CPQ: variants seen among roughly 807,000 people sequenced by gnomAD.
CPQ encodes carboxypeptidase Q.
In CPQ, 37 loss-of-function variants were observed where a neutral mutation model predicts 45.7. The observed-to-expected ratio is 0.81, with a 90% confidence interval of 0.62 to 1.07. The LOEUF (loss-of-function observed/expected upper bound fraction) is 1.07. CPQ is among the 50% of genes least tolerant of loss of function. The pLI is 0.00. For missense variants in CPQ, 537 were observed against 572.9 expected, an observed-to-expected ratio of 0.94 and a Z score of 0.64; for synonymous variants, 186 against 205.8, an observed-to-expected ratio of 0.90 and a Z score of 0.82.
chr8:96,893,333 C>T (rs1409408700), intron 4 of CPQ, among the ~76,000 whole-genome samples: 2 of 152,156 alleles, frequency 1.3e-5, no homozygotes, highest in African/African-American at 2.4e-5. Context: ...ATGTGCAGGA[C>T]GCTATGTTAT....
At chr8:96,976,575 C>T (rs117382023) in intron 5 of CPQ, among the ~76,000 whole-genome samples, 1 of 152,048 alleles carries the variant, frequency 6.6e-6, no homozygotes, top group Non-Finnish European at 1.5e-5. Context: ...AATCTGGAAG[C>T]ATCACATTAC....
intron 7 of CPQ, among the ~76,000 whole-genome samples, chr8:97,123,158 A>AAAATAAAATAAAATAAAAT (rs1811776042): frequency 8.3e-6 from 1 of 120,574 alleles, no homozygotes; most frequent in African/African-American, 3.5e-5. Context: ...TAAATAAAAT[A>AAAATAAAATAAAATAAAAT]AAATAAAATA....
rs1809078360 is a variant in CPQ at position 96,676,486 on chromosome 8, C to G, written c.-35+31084C>G. Among the ~76,000 whole-genome samples, 9 of 152,076 alleles carry G rather than the reference C, an allele frequency of 5.9e-5. No individual in the cohort carries two copies. In the South Asian group the frequency reaches 1.9e-3, roughly 32 times the overall value. ...CATGTTGCTGCAAATGACAGTATATCATTCTTTTTTATGGCTGAGTAGTAT... is the reference window on the plus strand; with the variant it reads ...CATGTTGCTGCAAATGACAGTATATGATTCTTTTTTATGGCTGAGTAGTAT... On this transcript the variant is annotated intron_variant, in intron 1 of 7. Transcript: ENST00000220763.
At chr8:96,655,881 A>T (rs1040535271) in intron 1 of CPQ, among the ~76,000 whole-genome samples, 1 of 152,166 alleles carries the variant, frequency 6.6e-6, no homozygotes, top group Admixed American at 6.5e-5. Context: ...GTGTCTGCAC[A>T]TTTGAAGAGA....
At chr8:96,896,675 C>T (rs867970438) in intron 4 of CPQ, among the ~76,000 whole-genome samples, 1 of 152,170 alleles carries the variant, frequency 6.6e-6, no homozygotes, top group South Asian at 2.1e-4. Flanking sequence ...TACAATGTTT[C>T]TCTCTTCAGA....
At chr8:96,775,658 G>A (rs911046908) in intron 1 of CPQ, among the ~76,000 whole-genome samples, 14 of 152,248 alleles carry the variant, frequency 9.2e-5, no homozygotes, top group Admixed American at 5.2e-4. Context: ...TTTTGTATTC[G>A]TATACACAAT....
intron 6 of CPQ, among the ~76,000 whole-genome samples, chr8:97,047,564 C>A (rs1157468353): frequency 1.3e-5 from 2 of 152,156 alleles, no homozygotes; most frequent in Non-Finnish European, 2.9e-5. Context: ...GTTTTATATT[C>A]ACACTTTCTT....
At chr8:97,125,373 C>A (rs998873219) in intron 7 of CPQ, among the ~76,000 whole-genome samples, 2 of 152,084 alleles carry the variant, frequency 1.3e-5, no homozygotes, top group Non-Finnish European at 2.9e-5. Flanking sequence ...GAGGTAAATA[C>A]TTCCCAACTC....
At chr8:96,989,426 C>G (rs552504252) in intron 5 of CPQ, among the ~76,000 whole-genome samples, 1 of 75,234 alleles carries the variant, frequency 1.3e-5, no homozygotes, top group Admixed American at 1.9e-4. Context: ...GGGACAGGAG[C>G]GGAGGGAAGG....
intron 2 of CPQ, among the ~76,000 whole-genome samples, chr8:96,791,762 CCTCT>C (rs1041800636): frequency 2.0e-5 from 3 of 152,136 alleles, no homozygotes; most frequent in East Asian, 1.9e-4. Context: ...TATCTTCTAG[CCTCT>C]CTCTCAGGAA....
At chr8:97,075,068 G>A (rs1035762738) in intron 7 of CPQ, among the ~76,000 whole-genome samples, 1 of 152,054 alleles carries the variant, frequency 6.6e-6, no homozygotes, top group African/African-American at 2.4e-5. Flanking sequence ...TGCATGCCTA[G>A]AGCATCCAGG....
intron 1 of CPQ, among the ~76,000 whole-genome samples, chr8:96,677,028 T>G (rs1440559166): frequency 6.6e-6 from 1 of 152,142 alleles, no homozygotes; most frequent in East Asian, 1.9e-4. Flanking sequence ...GGCTGAGTAG[T>G]ATTCCATGGT....
chr8:96,646,547 G>A (rs755630777), intron 1 of CPQ, among the ~76,000 whole-genome samples: 4 of 152,172 alleles, frequency 2.6e-5, no homozygotes, highest in African/African-American at 4.8e-5. Context: ...CCAGAAAGAC[G>A]CTTATCTGTT....
intron 5 of CPQ, among the ~76,000 whole-genome samples, chr8:96,969,927 G>A (rs964925068): frequency 2.0e-5 from 3 of 152,174 alleles, no homozygotes; most frequent in African/African-American, 7.2e-5. Flanking sequence ...GTAAGGAGTT[G>A]GAAGAGTTGT....
At chr8:96,894,796 C>G (rs1812422200) in intron 4 of CPQ, among the ~76,000 whole-genome samples, 1 of 152,176 alleles carries the variant, frequency 6.6e-6, no homozygotes, top group South Asian at 2.1e-4. Context: ...CTGTCTGGTT[C>G]CATGTTTTGA....
intron 7 of CPQ, among the ~76,000 whole-genome samples, chr8:97,096,938 T>C (rs1255331790): frequency 1.3e-5 from 2 of 152,234 alleles, no homozygotes; most frequent in African/African-American, 2.4e-5. Context: ...TATTTCTGTG[T>C]GCAATGTGTT....
chr8:96,697,418 C>G (rs932691988), intron 1 of CPQ, among the ~76,000 whole-genome samples: 11 of 152,140 alleles, frequency 7.2e-5, no homozygotes, highest in Non-Finnish European at 1.3e-4. Context: ...TAGTATCTTA[C>G]TGATGAGGAA....
chr8:96,677,318 A>G (rs964871034), intron 1 of CPQ, among the ~76,000 whole-genome samples: 5 of 152,050 alleles, frequency 3.3e-5, no homozygotes, highest in African/African-American at 1.2e-4. Flanking sequence ...CCTTTTCACC[A>G]CATACACACC....
At chr8:96,743,269 G>A (rs1226742659) in intron 1 of CPQ, among the ~76,000 whole-genome samples, 64 of 151,714 alleles carry the variant, frequency 4.2e-4, no homozygotes, top group Middle Eastern at 3.4e-3. Context: ...TGATCGCATC[G>A]GCTCCTGAGG....
Sources: gnomAD v4.1 joint callset for allele counts (sites outside exome capture counted in the v4.1 genomes callset) on GRCh38, gnomAD v4.1.1 for gene constraint, MANE v1.5 for transcripts, NCBI Gene and HGNC (gene_info 2026-07-23, HGNC 2026-07-21) for gene names.